CCDC88C: variants seen among roughly 807,000 people sequenced by gnomAD.
CCDC88C encodes the protein coiled-coil and HOOK domain protein 88C.
In CCDC88C, 131 loss-of-function variants were observed where a neutral mutation model predicts 198.8. The ratio of observed to expected loss-of-function variants is 0.66; its 90% CI spans 0.57 to 0.76. The LOEUF (loss-of-function observed/expected upper bound fraction) is 0.76, where lower values mean the gene tolerates loss of function less well. Among genes scored for constraint, CCDC88C ranks in the 30% least tolerant of loss-of-function variants. The pLI is 0.00. For missense variants in CCDC88C, 2,553 were observed against 2,631.6 expected, an observed-to-expected ratio of 0.97 and a Z score of 0.65; for synonymous variants, 1,166 against 1,114.7, an observed-to-expected ratio of 1.05 and a Z score of -0.92.
intron 3 of CCDC88C, among the ~76,000 whole-genome samples, chr14:91,382,554 G>C (rs932818861): frequency 1.3e-5 from 2 of 152,124 alleles, no homozygotes; most frequent in African/African-American, 4.8e-5. Context: ...ACAGGACATG[G>C]GTCCTACAGA....
chr14:91,322,611 T>C lies in CCDC88C; in HGVS notation c.1343-1307A>G, dbSNP rs1054272396. 2.6e-5 allele frequency among the ~76,000 whole-genome samples: 4 copies of C among 152,154 alleles called. 1 individual carries two copies. The highest frequency in any genetic ancestry group is 1.5e-5 in the Non-Finnish European group (1 of 67,988). ...CCTGTGGTCATCTGGACAGTGTCTC[T>C]GCAGAATTCATGGGGGTGAACCCAT... On this transcript the variant is annotated intron_variant, in intron 12 of 29. Transcript: ENST00000389857.
intron 10 of CCDC88C, among the ~76,000 whole-genome samples, chr14:91,333,583 T>A (rs887125808): frequency 6.6e-6 from 1 of 152,266 alleles, no homozygotes; most frequent in Non-Finnish European, 1.5e-5. Flanking sequence ...CACGGCAAAC[T>A]GTAAACTGCT....
chr14:91,313,752 C>G lies in CCDC88C; in HGVS notation c.2064G>C (p.Val688=), dbSNP rs777851448. The change falls in exon 15 of 30, where the codon GTG becomes GTC. Residue 688 remains valine (V), a synonymous_variant. Transcript: ENST00000389857. This position sits in a 1 kb window ranked among gnomAD's most constrained non-coding sequence, Gnocchi z 5.2. ...LRKSLDTLQN[V]SLQLEGLERD... ...GCTCCAGGCCCTCAAGCTGCAGGGA[C>G]ACGTTCTGCAAGGTGTCCAGAGACT... The G allele has an allele frequency of 6.2e-7, 1 of 1,608,462 alleles. No homozygotes were observed. Among genetic ancestry groups the G allele is most frequent in the South Asian group, 1.1e-5 (1 of 91,026 alleles).
In CCDC88C at chr14:91,273,925, GA is replaced by G. The variant is rs1476793425; in HGVS notation, c.5059-273del. 1.3e-5 allele frequency among the ~76,000 whole-genome samples: 2 copies of G among 152,120 alleles called. No individual in the cohort carries two copies. The highest frequency in any genetic ancestry group is 2.9e-5 in the Non-Finnish European group (2 of 68,030). On this transcript the variant is annotated intron_variant, in intron 29 of 29. Coordinates refer to ENST00000389857, the MANE Select transcript of CCDC88C (RefSeq NM_001080414.4). The surrounding 1 kb of genome is among the most constrained non-coding windows in gnomAD (Gnocchi z 5.6). ...TTACAGATAAGGAAACAGACCCAGA[GA>G]GGGAAATGACTTCCTACAAAGTGAG...
Position 91,273,738 on chromosome 14 carries a change from G to A in CCDC88C, c.5059-85C>T. On this transcript the variant is annotated intron_variant, in intron 29 of 29. Coordinates refer to ENST00000389857, the MANE Select transcript of CCDC88C (RefSeq NM_001080414.4). The surrounding 1 kb of genome is among the most constrained non-coding windows in gnomAD (Gnocchi z 5.6). Reference sequence around the variant, plus strand: ...CGCCTCCTGCGCGGGACGCCCCCGAGCAGCCCACGTGGCTGGGACCGCAGT... The same window carrying A: ...CGCCTCCTGCGCGGGACGCCCCCGAACAGCCCACGTGGCTGGGACCGCAGT... 8.1e-7 allele frequency: 1 copy of A among 1,235,432 alleles called. No individual in the cohort carries two copies. Among genetic ancestry groups the A allele is most frequent in the Non-Finnish European group, 1.1e-6 (1 of 935,866 alleles). The allele number at this position is 1,235,432 out of a possible 1,614,324, so 76.5% of individuals were successfully genotyped here.
chr14:91,346,930 T>A (rs1480159136), intron 4 of CCDC88C, among the ~76,000 whole-genome samples: 6 of 152,156 alleles, frequency 3.9e-5, no homozygotes, highest in African/African-American at 1.4e-4. Context: ...AATGCCCACA[T>A]GAGTGTTAAC....
At position 91,339,971 on chromosome 14, in the gene CCDC88C, G is replaced by A. The variant is rs756135471; in HGVS notation, c.537C>T (p.Asp179=). 9.4e-6 allele frequency: 15 copies of A among 1,603,910 alleles called. No homozygotes were observed. The highest frequency in any genetic ancestry group is 2.3e-5 in the South Asian group (2 of 88,754). The change falls in exon 7 of 30, where the codon GAC becomes GAT. Residue 179 remains aspartate, a synonymous_variant. Coordinates refer to ENST00000389857, the MANE Select transcript of CCDC88C (RefSeq NM_001080414.4). The surrounding 1 kb of genome is among the most constrained non-coding windows in gnomAD (Gnocchi z 5.8). ...GGGCCTCCAGCTCCTCCGGAGCCAC[G>A]TCGGGCAGCTCCAGCCACTGCAGGT... ...VFDLQWLELP[D]VAPEELEALS...
At chr14:91,297,621 T>G (rs1596038511) in intron 21 of CCDC88C, 130 bp from the exon 22 acceptor site, 4 of 825,120 alleles carry the variant, frequency 4.8e-6, no homozygotes, top group Non-Finnish European at 7.0e-6. Context: ...TCACAACCTC[T>G]CTGGGCTTTT....
chr14:91,319,476 A>G (rs1311617396), intron 13 of CCDC88C, among the ~76,000 whole-genome samples: 1 of 152,236 alleles, frequency 6.6e-6, no homozygotes, highest in Non-Finnish European at 1.5e-5. Context: ...TGCTTGTTTT[A>G]CCACAGCAAG....
intron 4 of CCDC88C, among the ~76,000 whole-genome samples, chr14:91,356,404 A>G (rs1255801486): frequency 6.6e-6 from 1 of 152,088 alleles, no homozygotes; most frequent in Non-Finnish European, 1.5e-5. Flanking sequence ...GCCCTCGGTG[A>G]TGGGTAGAGT....
chr14:91,367,973 T>C (rs1894617929), intron 3 of CCDC88C, among the ~76,000 whole-genome samples: 1 of 152,152 alleles, frequency 6.6e-6, no homozygotes, highest in Non-Finnish European at 1.5e-5. Flanking sequence ...CCTGAACTCC[T>C]AATGCTTCCT....
intron 25 of CCDC88C, chr14:91,285,482 G>A (rs184364231): frequency 2.2e-6 from 1 of 463,420 alleles, no homozygotes; most frequent in African/African-American, 2.0e-5. Flanking sequence ...AATGGTCCAG[G>A]GAGTGTGACA....
chr14:91,391,774 G>A (rs149923338), intron 3 of CCDC88C, among the ~76,000 whole-genome samples: 2,181 of 152,058 alleles, frequency 0.014, 24 homozygotes, highest in Non-Finnish European at 0.022. Context: ...GCAAGACTCC[G>A]TCTCAAAAAG....
chr14:91,340,128 C>A, intron 6 of CCDC88C, 104 bp from the exon 7 acceptor site: 1 of 1,475,788 alleles, frequency 6.8e-7, no homozygotes, highest in Non-Finnish European at 9.2e-7. Context: ...ACTAATCCCT[C>A]AGTGACAAAT....
intron 4 of CCDC88C, among the ~76,000 whole-genome samples, chr14:91,344,844 T>C (rs528813484): frequency 1.1e-3 from 172 of 151,430 alleles, no homozygotes; most frequent in African/African-American, 4.0e-3. Context: ...TTGCCCAGGT[T>C]GGGGTATAGT....
At chr14:91,417,360 C>G in intron 1 of CCDC88C, 1 of 600,278 alleles carries the variant, frequency 1.7e-6, no homozygotes, top group South Asian at 2.0e-5. Flanking sequence ...GCCTAGAGCC[C>G]CAGCGGGAAC....
intron 20 of CCDC88C, among the ~76,000 whole-genome samples, chr14:91,303,112 G>A (rs938817266): frequency 1.3e-5 from 2 of 152,140 alleles, no homozygotes; most frequent in Non-Finnish European, 2.9e-5. Flanking sequence ...CTGCAGGGGA[G>A]GTCCAGGGAA....
At chr14:91,283,678 G>A (rs780195795) in intron 25 of CCDC88C, 161 bp from the exon 26 acceptor site, 10 of 652,970 alleles carry the variant, frequency 1.5e-5, no homozygotes, top group African/African-American at 5.5e-5. Flanking sequence ...GGGGCCTGGC[G>A]GGGCAGGTGG....
intron 16 of CCDC88C, among the ~76,000 whole-genome samples, chr14:91,309,302 T>A (rs182937242): frequency 0.014 from 2,063 of 152,210 alleles, 31 homozygotes; most frequent in African/African-American, 0.047. Flanking sequence ...TCTAATTTTT[T>A]AAAAAAATTA....
Sources: gnomAD v4.1 joint callset for allele counts (sites outside exome capture counted in the v4.1 genomes callset) on GRCh38, gnomAD v4.1.1 for gene constraint, Gnocchi (gnomAD v3.1) non-coding constraint, MANE v1.5 for transcripts, NCBI Gene and HGNC (gene_info 2026-07-23, HGNC 2026-07-21) for gene names.